ARHGAP15: variants seen among roughly 807,000 people sequenced by gnomAD.
ARHGAP15 encodes Rho GTPase activating protein 15.
Under a neutral mutation model 63.7 loss-of-function variants are expected in ARHGAP15, and 51 were observed. That is an observed-to-expected ratio of 0.80 (90% CI 0.64 to 1.01). The LOEUF is 1.01. Among genes scored for constraint, ARHGAP15 ranks in the 50% least tolerant of loss-of-function variants. ARHGAP15 has a pLI of 0.00. For synonymous variants in ARHGAP15, 191 were observed against 193.8 expected, an observed-to-expected ratio of 0.99 and a Z score of 0.12; for missense variants, 560 against 564.6, an observed-to-expected ratio of 0.99 and a Z score of 0.08.
intron 9 of ARHGAP15, among the ~76,000 whole-genome samples, chr2:143,514,325 G>T (rs1693713806): frequency 6.6e-6 from 1 of 152,174 alleles, no homozygotes; most frequent in African/African-American, 2.4e-5. Context: ...ATGGAATTGG[G>T]TTAATCTGGA....
At chr2:143,508,467 CAG>C (rs1285479074) in intron 9 of ARHGAP15, among the ~76,000 whole-genome samples, 1 of 152,194 alleles carries the variant, frequency 6.6e-6, no homozygotes, top group African/African-American at 2.4e-5. Flanking sequence ...TCTGTGAAGA[CAG>C]AGAGTGTTCT....
intron 2 of ARHGAP15, among the ~76,000 whole-genome samples, chr2:143,182,823 A>G (rs1350989926): frequency 1.3e-5 from 2 of 152,126 alleles, no homozygotes; most frequent in Admixed American, 1.3e-4. Context: ...GTAACAGGGC[A>G]CCTACTAAGT....
At chr2:143,291,404 CCTCA>C (rs970570275) in intron 6 of ARHGAP15, among the ~76,000 whole-genome samples, 38 of 151,218 alleles carry the variant, frequency 2.5e-4, no homozygotes, top group South Asian at 8.4e-4. Flanking sequence ...CTCCCTCCCT[CCTCA>C]CTCACTCACT....
intron 10 of ARHGAP15, among the ~76,000 whole-genome samples, chr2:143,522,832 C>T (rs929165778): frequency 3.9e-5 from 6 of 152,250 alleles, no homozygotes; most frequent in East Asian, 3.9e-4. Flanking sequence ...ATAGTAGATA[C>T]AAGCAGTGAG....
intron 1 of ARHGAP15, among the ~76,000 whole-genome samples, chr2:143,150,726 G>C (rs1689781372): frequency 6.6e-6 from 1 of 151,926 alleles, no homozygotes; most frequent in Non-Finnish European, 1.5e-5. Flanking sequence ...ATTCACCAGT[G>C]CTCTGTATGC....
At chr2:143,311,742 T>C (rs1683458075) in intron 6 of ARHGAP15, among the ~76,000 whole-genome samples, 1 of 152,146 alleles carries the variant, frequency 6.6e-6, no homozygotes, top group Admixed American at 6.6e-5. Flanking sequence ...ATGTCTAAGC[T>C]CACAAATTTC....
At chr2:143,565,818 G>A (rs1051535097) in intron 11 of ARHGAP15, among the ~76,000 whole-genome samples, 3 of 152,270 alleles carry the variant, frequency 2.0e-5, no homozygotes, top group South Asian at 2.1e-4. Context: ...GAAATACTTA[G>A]GGTTGGATAA....
At chr2:143,396,640 G>A (rs1476705552) in intron 6 of ARHGAP15, among the ~76,000 whole-genome samples, 4 of 151,048 alleles carry the variant, frequency 2.6e-5, no homozygotes, top group Non-Finnish European at 5.9e-5. Context: ...TAATCTAAAC[G>A]GGTATCTCCA....
At position 143,732,683 on chromosome 2, in the gene ARHGAP15, C is replaced by A. The variant is rs552992296; in HGVS notation, c.1244+29159C>A. ...TATTAAAATCAGAAGTGTTTAAAGG[C>A]CAATGGAAAACATATGAGATTTTCA... is the stretch of plus-strand genomic sequence containing the variant. On this transcript the variant is annotated intron_variant, in intron 13 of 13. Transcript: ENST00000295095. 2.0e-5 allele frequency among the ~76,000 whole-genome samples: 3 copies of A among 151,256 alleles called. No homozygotes were observed. The South Asian group carries it at 6.3e-4, about 32-fold the overall frequency.
At chr2:143,309,174 C>CT (rs1558882178) in intron 6 of ARHGAP15, among the ~76,000 whole-genome samples, 1 of 151,998 alleles carries the variant, frequency 6.6e-6, no homozygotes, top group African/African-American at 2.4e-5. Flanking sequence ...TGGAATCAAC[C>CT]TTTTCCCTTC....
At chr2:143,235,852 T>G (rs558436204) in intron 5 of ARHGAP15, 1 of 1,412,120 alleles carries the variant, frequency 7.1e-7, no homozygotes, top group Non-Finnish European at 9.4e-7. Context: ...TCAGGTACAC[T>G]TTCCTATTTT....
chr2:143,330,444 TA>T (rs1684499435), intron 6 of ARHGAP15, among the ~76,000 whole-genome samples: 2 of 152,110 alleles, frequency 1.3e-5, no homozygotes, highest in Non-Finnish European at 2.9e-5. Context: ...ATACCCATAG[TA>T]ATTTGTGTTA....
At chr2:143,167,437 G>A (rs1690588587) in intron 2 of ARHGAP15, among the ~76,000 whole-genome samples, 1 of 152,086 alleles carries the variant, frequency 6.6e-6, no homozygotes, top group South Asian at 2.1e-4. Context: ...TATGGATAAT[G>A]GGACAGCAGT....
intron 11 of ARHGAP15, among the ~76,000 whole-genome samples, chr2:143,578,869 T>C (rs1696779943): frequency 6.6e-6 from 1 of 152,190 alleles, no homozygotes; most frequent in Non-Finnish European, 1.5e-5. Context: ...GATAGGCATT[T>C]AATTGTATAA....
At chr2:143,541,310 C>T (rs1450488110) in intron 10 of ARHGAP15, among the ~76,000 whole-genome samples, 1 of 151,938 alleles carries the variant, frequency 6.6e-6, no homozygotes, top group Non-Finnish European at 1.5e-5. Flanking sequence ...AACCTCTTTG[C>T]CATTGGTTCG....
intron 8 of ARHGAP15, among the ~76,000 whole-genome samples, chr2:143,446,608 G>A (rs1690148980): frequency 6.6e-6 from 1 of 151,588 alleles, no homozygotes; most frequent in South Asian, 2.1e-4. Context: ...ATTAAAGTTT[G>A]TCAAGTGTCT....
At chr2:143,657,349 A>C (rs902861437) in intron 12 of ARHGAP15, among the ~76,000 whole-genome samples, 2 of 152,214 alleles carry the variant, frequency 1.3e-5, no homozygotes, top group African/African-American at 4.8e-5. Flanking sequence ...TCCGCATCTT[A>C]AAAACAAAAC....
At chr2:143,705,259 G>A (rs1559136046) in intron 13 of ARHGAP15, among the ~76,000 whole-genome samples, 1 of 152,090 alleles carries the variant, frequency 6.6e-6, no homozygotes, top group African/African-American at 2.4e-5. Flanking sequence ...TTATCTTAAA[G>A]TTCAGAAAAT....
At chr2:143,540,502 C>T (rs976301548) in intron 10 of ARHGAP15, among the ~76,000 whole-genome samples, 1 of 150,940 alleles carries the variant, frequency 6.6e-6, no homozygotes, top group Admixed American at 6.6e-5. Context: ...CTGTTTTTTG[C>T]AGTGGGTGGT....
Sources: gnomAD v4.1 joint callset for allele counts (sites outside exome capture counted in the v4.1 genomes callset) on GRCh38, gnomAD v4.1.1 for gene constraint, MANE v1.5 for transcripts, NCBI Gene and HGNC (gene_info 2026-07-23, HGNC 2026-07-21) for gene names.